NWD2: variants seen among roughly 807,000 people sequenced by gnomAD.
The protein encoded by NWD2 is NACHT and WD repeat domain-containing protein 2.
NWD2 carries 37 observed loss-of-function variants against 132.7 expected under a neutral mutation model. That is an observed-to-expected ratio of 0.28 (90% CI 0.21 to 0.37). NWD2 has a LOEUF of 0.37. NWD2 is among the 10% of genes least tolerant of loss of function. NWD2 has a pLI of 1.00. For synonymous variants in NWD2, 705 were observed against 803.0 expected, an observed-to-expected ratio of 0.88 and a Z score of 2.06; for missense variants, 1,592 against 2,122.4, an observed-to-expected ratio of 0.75 and a Z score of 4.91.
At chr4:37,322,170 C>T (rs958691196) in intron 1 of NWD2, among the ~76,000 whole-genome samples, 1 of 152,132 alleles carries the variant, frequency 6.6e-6, no homozygotes, top group Non-Finnish European at 1.5e-5. Context: ...AGCAAGACTC[C>T]AATCATTAGA....
At chr4:37,289,130 A>G (rs1374128086) in intron 1 of NWD2, among the ~76,000 whole-genome samples, 1 of 152,204 alleles carries the variant, frequency 6.6e-6, no homozygotes, top group Admixed American at 6.6e-5. Context: ...GTGACTTCTC[A>G]TAATGAATCT....
intron 1 of NWD2, among the ~76,000 whole-genome samples, chr4:37,308,631 G>C (rs1718764689): frequency 6.6e-6 from 1 of 152,142 alleles, no homozygotes; most frequent in Non-Finnish European, 1.5e-5. Flanking sequence ...GGCAGTCCCT[G>C]GGCAGCAGGG....
At chr4:37,378,940 C>T (rs1451415623) in intron 3 of NWD2, among the ~76,000 whole-genome samples, 1 of 152,116 alleles carries the variant, frequency 6.6e-6, no homozygotes, top group Non-Finnish European at 1.5e-5. Context: ...TGGAATTGCT[C>T]GTATTCATTT....
intron 1 of NWD2, among the ~76,000 whole-genome samples, chr4:37,265,790 A>T (rs1717738065): frequency 6.6e-6 from 1 of 152,086 alleles, no homozygotes; most frequent in South Asian, 2.1e-4. Context: ...AATCCAAAAT[A>T]GTCTCCCCAT....
intron 1 of NWD2, among the ~76,000 whole-genome samples, chr4:37,258,180 T>C (rs571349625): frequency 6.6e-6 from 1 of 152,242 alleles, no homozygotes; most frequent in Non-Finnish European, 1.5e-5. Context: ...CCACACTGGA[T>C]AAAAATGAGC....
intron 2 of NWD2, among the ~76,000 whole-genome samples, chr4:37,336,422 C>T (rs1043641365): frequency 6.6e-6 from 1 of 152,110 alleles, no homozygotes; most frequent in Admixed American, 6.5e-5. Context: ...GCTTGACCAG[C>T]TGCATGTGGC....
intron 3 of NWD2, among the ~76,000 whole-genome samples, chr4:37,414,065 A>G (rs12500464): frequency 0.21 from 32,246 of 151,960 alleles, 5,370 homozygotes; most frequent in African/African-American, 0.46. Flanking sequence ...GCATGTGTAT[A>G]CCTATGCAAC....
At chr4:37,360,158 G>T (rs2109302004) in intron 3 of NWD2, among the ~76,000 whole-genome samples, 1 of 152,192 alleles carries the variant, frequency 6.6e-6, no homozygotes, top group Middle Eastern at 3.4e-3. Flanking sequence ...AGTAAATTTT[G>T]AATCAATTTC....
intron 1 of NWD2, among the ~76,000 whole-genome samples, chr4:37,321,079 C>T (rs1397874310): frequency 1.3e-5 from 2 of 152,040 alleles, no homozygotes; most frequent in African/African-American, 4.8e-5. Context: ...ATTGCTTGAA[C>T]CTGGGAGGTA....
intron 3 of NWD2, among the ~76,000 whole-genome samples, chr4:37,394,434 A>G (rs1402239819): frequency 1.3e-5 from 2 of 152,236 alleles, no homozygotes; most frequent in East Asian, 1.9e-4. Flanking sequence ...ATTGCTTTGT[A>G]TAGTATCTAG....
At position 37,446,813 on chromosome 4, in the gene NWD2, A is replaced by T; in HGVS notation, c.4825A>T (p.Asn1609Tyr). Residue 1609 changes from asparagine to tyrosine, a missense_variant, in exon 7 of 7, where the codon AAT (asparagine) becomes TAT (tyrosine). Asn to Tyr is a moderately radical substitution (Grantham distance 143). Coordinates refer to ENST00000309447, the MANE Select transcript of NWD2 (RefSeq NM_001144990.2). The surrounding 1 kb of genome is among the most constrained non-coding windows in gnomAD (Gnocchi z 6.7). The stretch of plus-strand genomic sequence containing the variant: ...TGTAATGAGACTGGCAGATGGCAAA[A>T]ATATCGGTGCTTGTTCCCTTTACAA... ...LIVMRLADGK[N>Y]IGACSLYKTP... 6.4e-7 allele frequency: 1 copy of T among 1,551,892 alleles called. No homozygotes were observed. The highest frequency in any genetic ancestry group is 2.4e-5 in the East Asian group (1 of 40,908).
chr4:37,423,841 T>G (rs1711900189), intron 3 of NWD2, among the ~76,000 whole-genome samples: 1 of 152,208 alleles, frequency 6.6e-6, no homozygotes, highest in Non-Finnish European at 1.5e-5. Flanking sequence ...TTTCTACTTG[T>G]GACATGAGAA....
intron 2 of NWD2, among the ~76,000 whole-genome samples, chr4:37,347,758 A>G (rs987366739): frequency 2.6e-5 from 4 of 152,234 alleles, no homozygotes; most frequent in Non-Finnish European, 4.4e-5. Context: ...AAGAGCAAGT[A>G]TATATTTATA....
At chr4:37,423,909 G>C (rs775922169) in intron 3 of NWD2, among the ~76,000 whole-genome samples, 1 of 152,126 alleles carries the variant, frequency 6.6e-6, no homozygotes, top group Non-Finnish European at 1.5e-5. Context: ...TCTTATGTTT[G>C]TATTACAAAT....
intron 3 of NWD2, among the ~76,000 whole-genome samples, chr4:37,412,963 C>T (rs1009159565): frequency 3.9e-5 from 6 of 151,924 alleles, no homozygotes; most frequent in African/African-American, 1.4e-4. Context: ...TTCCTTACAC[C>T]TTATACAAAA....
In NWD2 at chr4:37,439,136, G is replaced by A; in HGVS notation, c.1042G>A (p.Glu348Lys). 1 of 1,551,644 alleles carries A rather than the reference G, an allele frequency of 6.4e-7. No individual in the cohort carries two copies. Among genetic ancestry groups the A allele is most frequent in the Non-Finnish European group, 8.7e-7 (1 of 1,146,934 alleles). ...CGAAGGACTTGGTAAACAATTTTAT[G>A]AGGACATGATTGATATAATTCAGGC... is the stretch of plus-strand genomic sequence containing the variant. ...YIEGLGKQFYEDMIDIIQATI... is the reference protein window; with the variant it reads ...YIEGLGKQFYKDMIDIIQATI... The change falls in exon 6 of 7, where the codon GAG (glutamate) becomes AAG (lysine). Residue 348 changes from glutamate (E) to lysine (K), a missense_variant. By Grantham distance (56) the Glu-to-Lys change is moderately conservative. Around this residue, in one of 7 missense-constraint regions of NWD2, gnomAD observed 1,071 missense variants for 1,398.0 expected, o/e 0.77. Transcript: ENST00000309447. The surrounding 1 kb of genome is among the most constrained non-coding windows in gnomAD (Gnocchi z 4.5).
At chr4:37,285,470 A>G (rs1718212468) in intron 1 of NWD2, among the ~76,000 whole-genome samples, 1 of 152,044 alleles carries the variant, frequency 6.6e-6, no homozygotes, top group Non-Finnish European at 1.5e-5. Flanking sequence ...TTATAGTAAT[A>G]TAGAAAAAGA....
At chr4:37,257,123 C>T (rs1184156485) in intron 1 of NWD2, among the ~76,000 whole-genome samples, 3 of 152,148 alleles carry the variant, frequency 2.0e-5, no homozygotes, top group Non-Finnish European at 4.4e-5. Context: ...ACAGCCAGCA[C>T]CACCTGGCCA....
intron 3 of NWD2, among the ~76,000 whole-genome samples, chr4:37,409,026 G>GT (rs1721100943): frequency 6.6e-6 from 1 of 152,142 alleles, no homozygotes; most frequent in Admixed American, 6.5e-5. Flanking sequence ...AAGACCAAAG[G>GT]TAGGTAAATC....
Sources: gnomAD v4.1 joint callset for allele counts (sites outside exome capture counted in the v4.1 genomes callset) on GRCh38, gnomAD v4.1.1 for gene constraint, gnomAD v4.1.1 regional missense constraint, Gnocchi (gnomAD v3.1) non-coding constraint, MANE v1.5 for transcripts, NCBI Gene and HGNC (gene_info 2026-07-23, HGNC 2026-07-21) for gene names.